Variants in CDC42BPB observed in about 807,000 individuals in gnomAD.
The protein encoded by CDC42BPB is CDC42 binding protein kinase beta.
A neutral mutation model predicts 214.9 loss-of-function variants in CDC42BPB; 37 were observed. The ratio of observed to expected loss-of-function variants is 0.17; its 90% confidence interval spans 0.13 to 0.23. The LOEUF (loss-of-function observed/expected upper bound fraction) is 0.23. CDC42BPB is among the 10% of genes least tolerant of loss of function. The pLI is 1.00. For synonymous variants in CDC42BPB, 931 were observed against 884.0 expected (o/e 1.05, Z -0.94); for missense variants, 1,694 against 2,227.0 (o/e 0.76, Z 4.82).
chr14:102,948,076 G>T, intron 26 of CDC42BPB: 2 of 590,484 alleles, frequency 3.4e-6, no homozygotes, highest in African/African-American at 2.2e-5. Context: ...AGTTACAGAA[G>T]ACTCGGTTTG....
At position 102,944,531 on chromosome 14, in the gene CDC42BPB, G is replaced by T. The variant is rs1241507686; in HGVS notation, c.3812-44C>A. The T allele has an allele frequency of 2.5e-6, 4 of 1,579,370 alleles. No homozygotes were observed. Among genetic ancestry groups the T allele is most frequent in the Non-Finnish European group, 3.4e-6 (4 of 1,161,234 alleles). ...GAGCGTGAGGCCGACGGGACAGCCA[G>T]CAGCTCCCAGGGGCTGACGGCCTTG... On this transcript the variant is annotated intron_variant, in intron 29 of 36. Transcript: ENST00000361246. This position sits in a 1 kb window ranked among gnomAD's most constrained non-coding sequence, Gnocchi z 6.6.
At chr14:103,056,549 A>C (rs1230986154) in intron 1 of CDC42BPB, among the ~76,000 whole-genome samples, 1 of 141,680 alleles carries the variant, frequency 7.1e-6, no homozygotes, top group Admixed American at 7.0e-5. Context: ...CTGCCTCCGG[A>C]CCCCAAAGGC....
chr14:102,934,548 C>CA (rs1189918772), intron 36 of CDC42BPB, among the ~76,000 whole-genome samples: 9 of 151,264 alleles, frequency 5.9e-5, no homozygotes, highest in East Asian at 5.9e-4. Context: ...CAAAACAAAA[C>CA]AAAAAAAACA....
At chr14:102,953,407 C>T (rs1046773750) in intron 23 of CDC42BPB, among the ~76,000 whole-genome samples, 1 of 152,240 alleles carries the variant, frequency 6.6e-6, no homozygotes, top group African/African-American at 2.4e-5. Context: ...TAAACGACCT[C>T]GCGACTTGGT....
rs906418651 is a variant in CDC42BPB, at chr14:103,001,462, G to A, written c.448-1749C>T. On this transcript the variant is annotated intron_variant, in intron 4 of 36. Transcript: ENST00000361246. This position sits in a 1 kb window ranked among gnomAD's most constrained non-coding sequence, Gnocchi z 5.8. The stretch of plus-strand genomic sequence containing the variant: ...CAGAGGCCTGAGGGGAGCCGCGGTC[G>A]TGCTCCAGATGAAGGGGTGCGTGCA... Among the ~76,000 whole-genome samples the A allele has an allele frequency of 6.6e-6, 1 of 152,150 alleles. No homozygotes were observed. Among genetic ancestry groups the A allele is most frequent in the Non-Finnish European group, 1.5e-5 (1 of 68,024 alleles).
intron 1 of CDC42BPB, among the ~76,000 whole-genome samples, chr14:103,016,984 A>T (rs1221757352): frequency 2.0e-5 from 3 of 152,316 alleles, no homozygotes; most frequent in South Asian, 2.1e-4. Context: ...CAGAAGTGAG[A>T]GTGTGCTCAA....
At position 102,944,146 on chromosome 14, in the gene CDC42BPB, T is replaced by A; in HGVS notation, c.4153A>T (p.Arg1385Trp). 1 of 1,613,202 alleles carries A rather than the reference T, an allele frequency of 6.2e-7. No individual in the cohort carries two copies. Among genetic ancestry groups the A allele is most frequent in the East Asian group, 2.2e-5 (1 of 44,868 alleles). ...SVQCLAVLRD[R>W]LCVGYPSGFC... The stretch of plus-strand genomic sequence containing the variant: ...CCAGAAGGGTAGCCCACACAGAGCC[T>A]GTCCCTGAGCACCGCCAGGCACTGC... The change falls in exon 30 of 37, where the codon AGG becomes TGG. Residue 1385 changes from arginine to tryptophan, a missense_variant. By Grantham distance (101) the Arg-to-Trp change is moderately radical (BLOSUM62 -3). This residue lies in a region of CDC42BPB where 567 missense variants were observed against 790.3 expected (regional missense o/e 0.72). Transcript: ENST00000361246. This position sits in a 1 kb window ranked among gnomAD's most constrained non-coding sequence, Gnocchi z 6.6.
chr14:103,053,482 C>T (rs778957009), intron 1 of CDC42BPB, among the ~76,000 whole-genome samples: 3 of 152,072 alleles, frequency 2.0e-5, no homozygotes, highest in African/African-American at 4.8e-5. Context: ...AATGACTCGG[C>T]CAGGCACGGT....
chr14:102,976,077 G>C lies in CDC42BPB; in HGVS notation c.1221-28C>G, dbSNP rs761636130. On this transcript the variant is annotated intron_variant, in intron 9 of 36. Transcript: ENST00000361246. ...GGGAAACCAAGCAACAGGTTTTTTT[G>C]ATCTACTGAAAATTTAGCGATTTCA... 12 of 1,602,392 alleles carry C rather than the reference G, an allele frequency of 7.5e-6. No homozygotes were observed. In the Middle Eastern group the frequency reaches 5.0e-4, roughly 67 times the overall value.
At chr14:102,995,574 G>A (rs1313254043) in intron 5 of CDC42BPB, among the ~76,000 whole-genome samples, 1 of 152,204 alleles carries the variant, frequency 6.6e-6, no homozygotes, top group African/African-American at 2.4e-5. Flanking sequence ...CCTGTGAGGG[G>A]CACCCACAGG....
rs574897939 is a variant in CDC42BPB, at chr14:103,047,900, G to C, written c.175+9099C>G. ...CCTGGGCAACAGAGCAAGACTCTGT[G>C]TCCAAAAAAAAAAGCATTTTCAGAC... is the stretch of plus-strand genomic sequence containing the variant. On this transcript the variant is annotated intron_variant, in intron 1 of 36. Transcript: ENST00000361246. 1.1e-3 allele frequency among the ~76,000 whole-genome samples: 71 copies of C among 63,470 alleles called. 1 individual carries two copies. The highest frequency in any genetic ancestry group is 0.011 in the East Asian group (46 of 4,194). 41.6% of individuals were successfully genotyped at this position (63,470 alleles called of 152,430 possible).
At chr14:103,052,939 A>G (rs777281144) in intron 1 of CDC42BPB, among the ~76,000 whole-genome samples, 98 of 152,414 alleles carry the variant, frequency 6.4e-4, no homozygotes, top group Non-Finnish European at 7.5e-4. Flanking sequence ...ATGAAAGACA[A>G]CAAATTCATC....
intron 1 of CDC42BPB, among the ~76,000 whole-genome samples, chr14:103,017,625 C>A (rs1886541586): frequency 4.6e-5 from 7 of 152,058 alleles, no homozygotes; most frequent in Admixed American, 4.6e-4. Context: ...CAACCCAAAT[C>A]CAACCACCGG....
chr14:102,993,458 T>C (rs1894587920), intron 5 of CDC42BPB, among the ~76,000 whole-genome samples: 1 of 151,976 alleles, frequency 6.6e-6, no homozygotes, highest in South Asian at 2.1e-4. Context: ...CGTCCACCAG[T>C]TTTTCTGCAT....
intron 6 of CDC42BPB, 106 bp downstream of exon 6, chr14:102,986,381 G>C (rs1214514464): frequency 5.8e-6 from 4 of 687,320 alleles, no homozygotes; most frequent in Non-Finnish European, 9.9e-6. Flanking sequence ...TTCATTTTCT[G>C]AATTAATATA....
rs752574677 is a variant in CDC42BPB at position 102,968,249 on chromosome 14, T to G, written c.2346+4A>C. On this transcript the variant is annotated splice_donor_region_variant and intron_variant, in intron 16 of 36. Transcript: ENST00000361246. ...TGCTAACTCAGGTACTTTGAATTAATTACCTTTTCATTTTCAGCAGTTAGC... is the reference window on the plus strand; with the variant it reads ...TGCTAACTCAGGTACTTTGAATTAAGTACCTTTTCATTTTCAGCAGTTAGC... 1 of 1,599,694 alleles carries G rather than the reference T, an allele frequency of 6.3e-7. No homozygotes were observed. The highest frequency in any genetic ancestry group is 8.6e-7 in the Non-Finnish European group (1 of 1,167,680).
chr14:102,983,896 C>A, intron 6 of CDC42BPB, 140 bp from the exon 7 acceptor site: 1 of 1,451,294 alleles, frequency 6.9e-7, no homozygotes, highest in South Asian at 1.5e-5. Context: ...GTTTTTTAAA[C>A]CCAGTAATTC....
At position 102,978,175 on chromosome 14, in the gene CDC42BPB, A is replaced by G. The variant is rs748069736; in HGVS notation, c.1171T>C (p.Phe391Leu). ...EILPPGSHTG[F>L]SGLHLPFIGF... ...ATGAATGGCAAATGTAATCCAGAAA[A>G]GCCTGTGTGAGAACCAGGAGGTAAT... The change falls in exon 9 of 37, where the codon TTT (phenylalanine) becomes CTT (leucine). Residue 391 changes from phenylalanine (F) to leucine (L), a missense_variant. Physicochemically the swap from Phe to Leu is conservative, Grantham distance 22 (BLOSUM62 0). This residue lies in a region of CDC42BPB where 225 missense variants were observed against 459.3 expected (regional missense o/e 0.49). Coordinates refer to ENST00000361246, the MANE Select transcript of CDC42BPB (RefSeq NM_006035.4). 2 of 1,613,914 alleles carry G rather than the reference A, an allele frequency of 1.2e-6. No individual in the cohort carries two copies. The highest frequency in any genetic ancestry group is 1.1e-5 in the South Asian group (1 of 91,078).
At chr14:102,962,003 G>A (rs1341232557) in intron 20 of CDC42BPB, among the ~76,000 whole-genome samples, 2 of 152,170 alleles carry the variant, frequency 1.3e-5, no homozygotes, top group African/African-American at 4.8e-5. Context: ...TTAAAAGCGG[G>A]CAAACAATAA....
Sources: allele counts gnomAD v4.1 joint callset (sites outside exome capture counted in the v4.1 genomes callset), GRCh38; gene constraint gnomAD v4.1.1; regional missense constraint gnomAD v4.1.1; non-coding constraint Gnocchi (gnomAD v3.1); transcripts MANE v1.5; gene names NCBI Gene and HGNC (gene_info 2026-07-23, HGNC 2026-07-21).